Variants in PIP5K1C observed in about 807,000 individuals in gnomAD.
PIP5K1C encodes the protein phosphatidylinositol 4-phosphate 5-kinase type-1 gamma.
PIP5K1C carries 45 observed loss-of-function variants against 80.1 expected under a neutral mutation model. The ratio of observed to expected loss-of-function variants is 0.56; its 90% CI spans 0.44 to 0.72. The LOEUF (loss-of-function observed/expected upper bound fraction) is 0.72, where lower values mean the gene tolerates loss of function less well. PIP5K1C is among the 30% of genes least tolerant of loss of function. PIP5K1C has a pLI of 0.00. For synonymous variants in PIP5K1C, 498 were observed against 420.1 expected (o/e 1.19, Z -2.27); for missense variants, 753 against 954.6 (o/e 0.79, Z 2.78).
chr19:3,666,757 G>A (rs1039996467), intron 2 of PIP5K1C, among the ~76,000 whole-genome samples: 4 of 145,056 alleles, frequency 2.8e-5, no homozygotes, highest in African/African-American at 1.0e-4. Flanking sequence ...ACACACAAAC[G>A]TGCACACACG....
chr19:3,633,746 G>A (rs1003126755), intron 16 of PIP5K1C, among the ~76,000 whole-genome samples: 1 of 152,160 alleles, frequency 6.6e-6, no homozygotes, highest in African/African-American at 2.4e-5. Context: ...GGCACGGCGG[G>A]CGGCAGAAAG....
intron 3 of PIP5K1C, among the ~76,000 whole-genome samples, chr19:3,663,639 C>A (rs1417228471): frequency 6.6e-6 from 1 of 152,168 alleles, no homozygotes; most frequent in African/African-American, 2.4e-5. Context: ...CATGGTGAAA[C>A]CCCTGTCTCT....
At chr19:3,672,508 C>T (rs1038528289) in intron 1 of PIP5K1C, 6 of 152,404 alleles carry the variant, frequency 3.9e-5, no homozygotes, top group African/African-American at 9.6e-5. Context: ...AACAGGCCTC[C>T]GCCAGAGCTT....
intron 1 of PIP5K1C, among the ~76,000 whole-genome samples, chr19:3,678,732 C>T (rs1191531572): frequency 1.6e-5 from 1 of 61,680 alleles, no homozygotes; most frequent in Non-Finnish European, 3.1e-5. Context: ...GGCGGGATGG[C>T]AGGATGGAGG....
intron 8 of PIP5K1C, 147 bp downstream of exon 8, chr19:3,651,679 T>C: frequency 1.2e-6 from 1 of 824,106 alleles, no homozygotes; most frequent in Non-Finnish European, 2.0e-6. Flanking sequence ...TCTGAGGCGC[T>C]GGCACAAGGC....
At chr19:3,666,239 G>C (rs2035003163) in intron 2 of PIP5K1C, among the ~76,000 whole-genome samples, 1 of 152,224 alleles carries the variant, frequency 6.6e-6, no homozygotes, top group Admixed American at 6.5e-5. Context: ...TGTGAATGGG[G>C]CTCATGGACA....
chr19:3,681,619 G>A (rs951269070), intron 1 of PIP5K1C, among the ~76,000 whole-genome samples: 3 of 152,102 alleles, frequency 2.0e-5, no homozygotes, highest in East Asian at 1.9e-4. Context: ...TGCAAGCTGC[G>A]TCTCTGACCC....
chr19:3,636,540 C>T (rs543045313), intron 16 of PIP5K1C: 16 of 985,522 alleles, frequency 1.6e-5, no homozygotes, highest in African/African-American at 7.0e-5. Flanking sequence ...CCAGCAGGGC[C>T]GCTGGGTCTC....
rs2034964099 is a variant in PIP5K1C at position 3,665,022 on chromosome 19, G to A, written c.127-108C>T. The A allele has an allele frequency of 3.4e-6, 3 of 892,280 alleles. No individual in the cohort carries two copies. In the South Asian group the frequency reaches 4.1e-5, roughly 12 times the overall value. 55.3% of individuals were successfully genotyped at this position (892,280 alleles called of 1,614,324 possible). On this transcript the variant is annotated intron_variant, in intron 2 of 17. Transcript: ENST00000335312. Reference sequence around the variant, plus strand: ...AGGTTTAGTCGTTGGGCCCAGCAGGGGTGCACAGGGCAGGGGGCAGGTCCA... The same window carrying A: ...AGGTTTAGTCGTTGGGCCCAGCAGGAGTGCACAGGGCAGGGGGCAGGTCCA...
chr19:3,662,126 T>TCCA, intron 3 of PIP5K1C, 125 bp from the exon 4 acceptor site: 1 of 1,186,066 alleles, frequency 8.4e-7, no homozygotes, highest in Non-Finnish European at 1.2e-6. Flanking sequence ...GCCAACCCCC[T>TCCA]CCTGGTGGTC....
intron 1 of PIP5K1C, among the ~76,000 whole-genome samples, chr19:3,690,315 G>A (rs1417806530): frequency 6.6e-6 from 1 of 151,872 alleles, no homozygotes; most frequent in Non-Finnish European, 1.5e-5. Context: ...CAGGCAACAT[G>A]GGAAGACCCT....
At chr19:3,640,598 G>A (rs1325537977) in intron 15 of PIP5K1C, among the ~76,000 whole-genome samples, 1 of 152,116 alleles carries the variant, frequency 6.6e-6, no homozygotes, top group East Asian at 1.9e-4. Context: ...TAAAAAAACA[G>A]ATATTTCTTT....
chr19:3,693,808 A>C (rs983096527), intron 1 of PIP5K1C, among the ~76,000 whole-genome samples: 8 of 152,190 alleles, frequency 5.3e-5, no homozygotes, highest in African/African-American at 1.7e-4. Context: ...GCATGCCTGT[A>C]ACCCCAGCAC....
chr19:3,683,670 C>T (rs1223118072), intron 1 of PIP5K1C, among the ~76,000 whole-genome samples: 2 of 152,166 alleles, frequency 1.3e-5, no homozygotes, highest in Non-Finnish European at 2.9e-5. Flanking sequence ...GGATGTCAGG[C>T]CCCAGTCTGC....
chr19:3,666,893 T>G (rs987912951), intron 2 of PIP5K1C, among the ~76,000 whole-genome samples: 1 of 152,232 alleles, frequency 6.6e-6, no homozygotes, highest in African/African-American at 2.4e-5. Context: ...AGGGCGTGGG[T>G]GCAGCTGGTA....
intron 1 of PIP5K1C, among the ~76,000 whole-genome samples, chr19:3,685,729 C>CAA (rs754344914): frequency 2.6e-5 from 3 of 113,440 alleles, no homozygotes; most frequent in South Asian, 2.7e-4. Flanking sequence ...GACTCCGTCT[C>CAA]AAAAAAAAAA....
intron 1 of PIP5K1C, among the ~76,000 whole-genome samples, chr19:3,672,372 C>T (rs1351692345): frequency 6.6e-6 from 1 of 152,258 alleles, no homozygotes; most frequent in Non-Finnish European, 1.5e-5. Context: ...TCCTGCAGAC[C>T]AGCCTGGTCC....
At chr19:3,638,712 C>T (rs947798076) in intron 16 of PIP5K1C, among the ~76,000 whole-genome samples, 172 bp downstream of exon 16, 1 of 151,906 alleles carries the variant, frequency 6.6e-6, no homozygotes, top group African/African-American at 2.4e-5. Flanking sequence ...CTGGTGGGTG[C>T]GTGTGGGCGT....
chr19:3,658,462 AGCCCAC>A (rs1215534257), intron 5 of PIP5K1C, among the ~76,000 whole-genome samples: 1 of 152,202 alleles, frequency 6.6e-6, no homozygotes, highest in Non-Finnish European at 1.5e-5. Flanking sequence ...GGAAACACAG[AGCCCAC>A]GCGGCTCCTC....
Sources: allele counts gnomAD v4.1 joint callset (sites outside exome capture counted in the v4.1 genomes callset), GRCh38; gene constraint gnomAD v4.1.1; transcripts MANE v1.5; gene names NCBI Gene and HGNC (gene_info 2026-07-23, HGNC 2026-07-21).